Variants in MGA observed in about 807,000 individuals in gnomAD.
The protein encoded by MGA is MAX dimerization protein MGA.
In MGA, 40 loss-of-function variants were observed where a neutral mutation model predicts 261.1. The observed-to-expected ratio is 0.15, with a 90% CI of 0.12 to 0.20. The LOEUF (loss-of-function observed/expected upper bound fraction) is 0.20. MGA is among the 10% of genes least tolerant of loss of function. The pLI is 1.00. For missense variants in MGA, 3,397 were observed against 3,630.5 expected, an observed-to-expected ratio of 0.94 and a Z score of 1.65; for synonymous variants, 1,302 against 1,290.6, an observed-to-expected ratio of 1.01 and a Z score of -0.19.
Position 41,767,209 on chromosome 15 carries a change from A to T in MGA, c.9127A>T (p.Met3043Leu), listed in dbSNP as rs776681559. The change falls in exon 24 of 24, where the codon ATG becomes TTG. Residue 3043 changes from methionine to leucine, a missense_variant. Physicochemically the swap from Met to Leu is conservative, Grantham distance 15 (BLOSUM62 2). Coordinates refer to ENST00000219905, the MANE Select transcript of MGA (RefSeq NM_001164273.2). ...CCAGGAAGGCCGGGAAAGCAAGGTG[A>T]TGCCTACATTGGCACCTGTTGTGGC... The T allele has an allele frequency of 2.5e-5, 41 of 1,613,920 alleles. No homozygotes were observed. The highest frequency in any genetic ancestry group is 3.4e-5 in the Non-Finnish European group (40 of 1,179,914).
At chr15:41,653,530 A>G (rs1364175349) in intron 1 of MGA, among the ~76,000 whole-genome samples, 2 of 151,888 alleles carry the variant, frequency 1.3e-5, no homozygotes, top group Non-Finnish European at 2.9e-5. Context: ...ACCTAGCAAG[A>G]CCCCATCTCT....
chr15:41,748,334 C>T (rs1284854731), intron 15 of MGA, among the ~76,000 whole-genome samples: 1 of 152,112 alleles, frequency 6.6e-6, no homozygotes, highest in African/African-American at 2.4e-5. Context: ...CGGCAGATCA[C>T]TTGAGGTCAG....
Position 41,754,465 on chromosome 15 carries a change from A to T in MGA, c.7037A>T (p.Asp2346Val). The T allele has an allele frequency of 6.4e-7, 1 of 1,556,750 alleles. No individual in the cohort carries two copies. The change falls in exon 18 of 24, where the codon GAT (aspartate) becomes GTT (valine). Residue 2346 changes from aspartate (D) to valine (V), a missense_variant. Around this residue, in one of 9 missense-constraint regions of MGA, gnomAD observed 1,410 missense variants for 1,386.4 expected, o/e 1.02. Coordinates refer to ENST00000219905, the MANE Select transcript of MGA (RefSeq NM_001164273.2). ...AACTGTGTAGAATACATTGAGGATG[A>T]TGAGGAGCACGTGGACATTGAGACT...
At chr15:41,680,402 C>A (rs2058605141) in intron 2 of MGA, among the ~76,000 whole-genome samples, 1 of 151,204 alleles carries the variant, frequency 6.6e-6, no homozygotes, top group Non-Finnish European at 1.5e-5. Flanking sequence ...TTTTAACCCC[C>A]CCTGATGCAT....
chr15:41,655,658 T>G (rs1477258423), upstream of MGA, among the ~76,000 whole-genome samples: 2 of 152,204 alleles, frequency 1.3e-5, no homozygotes, highest in African/African-American at 2.4e-5. Flanking sequence ...GGGCAGACTG[T>G]ATCCAGTCAA....
chr15:41,719,937 A>C (rs934940899), intron 9 of MGA, among the ~76,000 whole-genome samples: 1 of 152,192 alleles, frequency 6.6e-6, no homozygotes, highest in Non-Finnish European at 1.5e-5. Flanking sequence ...TAAATTGATA[A>C]AAATTCAACA....
At chr15:41,701,912 C>T (rs1290702646) in intron 5 of MGA, among the ~76,000 whole-genome samples, 3 of 152,094 alleles carry the variant, frequency 2.0e-5, no homozygotes, top group Non-Finnish European at 2.9e-5. Flanking sequence ...ACAATTAAAT[C>T]TGTAATCTGT....
chr15:41,675,131 C>T (rs1436767461), intron 2 of MGA, among the ~76,000 whole-genome samples: 6 of 152,158 alleles, frequency 3.9e-5, no homozygotes, highest in Non-Finnish European at 8.8e-5. Flanking sequence ...GGTGGACATA[C>T]GCACTAGTTT....
At chr15:41,711,521 A>G (rs2060384316) in intron 8 of MGA, among the ~76,000 whole-genome samples, 172 bp downstream of exon 8, 3 of 152,084 alleles carry the variant, frequency 2.0e-5, no homozygotes, top group South Asian at 4.1e-4. Context: ...TACCAACTAG[A>G]TACTCAGGTG....
chr15:41,669,299 T>A lies in MGA; in HGVS notation c.405T>A (p.Tyr135Ter). 6.2e-7 allele frequency: 1 copy of A among 1,614,064 alleles called. No individual in the cohort carries two copies. The highest frequency in any genetic ancestry group is 8.5e-7 in the Non-Finnish European group (1 of 1,179,906). The change falls in exon 2 of 24, where the codon TAT (tyrosine) becomes TAA (stop). Residue 135 changes from tyrosine (Y) to a stop codon, truncating the protein, a stop_gained. Transcript: ENST00000219905. LOFTEE classifies it high-confidence loss of function. ...TATCTCCTGTGGATAACCATCGTTATAAGTGGAATGGTCGTTGGTGGGAAC... is the reference window on the plus strand; with the variant it reads ...TATCTCCTGTGGATAACCATCGTTAAAAGTGGAATGGTCGTTGGTGGGAAC...
rs2063709163 is a variant in MGA, at chr15:41,764,759, G to A, written c.7745-127G>A. ...GGGTCTCACCATGTTTCCCAGGCTG[G>A]TCTTGAACTCCTGGGCTCAAGTGAT... is the stretch of plus-strand genomic sequence containing the variant. On this transcript the variant is annotated intron_variant, in intron 22 of 23. Transcript: ENST00000219905. 4.4e-6 allele frequency: 4 copies of A among 916,646 alleles called. No homozygotes were observed. In the South Asian group the frequency reaches 5.0e-5, roughly 11 times the overall value. The allele number at this position is 916,646 out of a possible 1,614,324, so 56.8% of individuals were successfully genotyped here.
rs759976471 is a variant in MGA at position 41,749,162 on chromosome 15, C to T, written c.5555C>T (p.Pro1852Leu). Reference sequence around the variant, plus strand: ...GCTCCTTCCAAACCCTCTGAGACTCCGCCATCTTCCACTTCGTCCTCTGCT... The same window carrying T: ...GCTCCTTCCAAACCCTCTGAGACTCTGCCATCTTCCACTTCGTCCTCTGCT... Residue 1852 changes from proline to leucine, a missense_variant, in exon 17 of 24, where the codon CCG becomes CTG. Physicochemically the swap from Pro to Leu is moderately conservative, Grantham distance 98. This residue lies in a region of MGA where 1,410 missense variants were observed against 1,386.4 expected (regional missense o/e 1.02). Transcript: ENST00000219905. The T allele has an allele frequency of 1.7e-5, 28 of 1,613,868 alleles. No homozygotes were observed. The highest frequency in any genetic ancestry group is 1.6e-4 in the Middle Eastern group (1 of 6,084).
Position 41,767,517 on chromosome 15 carries a change from T to C in MGA, c.*237T>C, listed in dbSNP as rs867511990. Reference sequence around the variant, plus strand: ...TGGTGCTGGGTCCCCTCATCCTCTCTAAGAAGATGTGATCCATTACTGAAC... The same window carrying C: ...TGGTGCTGGGTCCCCTCATCCTCTCCAAGAAGATGTGATCCATTACTGAAC... On this transcript the variant is annotated 3_prime_UTR_variant, in exon 24 of 24. Coordinates refer to ENST00000219905, the MANE Select transcript of MGA (RefSeq NM_001164273.2). 5.5e-6 allele frequency: 3 copies of C among 541,280 alleles called. No individual in the cohort carries two copies. The African/African-American group carries it at 5.6e-5, about 10-fold the overall frequency. The allele number at this position is 541,280 out of a possible 1,614,324, so 33.5% of individuals were successfully genotyped here.
At chr15:41,708,721 A>G (rs2060236807) in intron 7 of MGA, among the ~76,000 whole-genome samples, 1 of 152,180 alleles carries the variant, frequency 6.6e-6, no homozygotes, top group Admixed American at 6.5e-5. Flanking sequence ...GGCTTAAATA[A>G]TTGCTGCAGC....
intron 2 of MGA, among the ~76,000 whole-genome samples, chr15:41,686,690 T>C (rs915599026): frequency 6.6e-6 from 1 of 152,178 alleles, no homozygotes; most frequent in Non-Finnish European, 1.5e-5. Flanking sequence ...TTGTTAAGAA[T>C]GAGTGTTGAA....
intron 9 of MGA, among the ~76,000 whole-genome samples, chr15:41,726,071 C>A (rs1259203583): frequency 6.6e-6 from 1 of 151,950 alleles, no homozygotes. Flanking sequence ...ATGATTTTAC[C>A]TCAGTTGGGT....
At chr15:41,632,127 T>C (rs1566923227) in intron 1 of MGA, among the ~76,000 whole-genome samples, 1 of 152,334 alleles carries the variant, frequency 6.6e-6, no homozygotes, top group East Asian at 1.9e-4. Context: ...ACTTGTTTTA[T>C]CCATGATACA....
chr15:41,667,639 C>G (rs1267132193), intron 1 of MGA, among the ~76,000 whole-genome samples: 1 of 152,146 alleles, frequency 6.6e-6, no homozygotes, highest in Admixed American at 6.5e-5. Flanking sequence ...CTTGGCCTCC[C>G]AAAGTGCTGG....
At chr15:41,688,554 C>T (rs1023848758) in intron 2 of MGA, among the ~76,000 whole-genome samples, 19 of 152,088 alleles carry the variant, frequency 1.2e-4, no homozygotes, top group African/African-American at 4.6e-4. Flanking sequence ...ACTGTTTTAA[C>T]CTTTGGCTTT....
Sources: allele counts gnomAD v4.1 joint callset (sites outside exome capture counted in the v4.1 genomes callset), GRCh38; gene constraint gnomAD v4.1.1; regional missense constraint gnomAD v4.1.1; transcripts MANE v1.5; gene names NCBI Gene and HGNC (gene_info 2026-07-23, HGNC 2026-07-21).